ROBO2: variants seen among roughly 807,000 people sequenced by gnomAD.
ROBO2 encodes roundabout homolog 2.
ROBO2 carries 53 observed loss-of-function variants against 160.8 expected under a neutral mutation model. That is an observed-to-expected ratio of 0.33 (90% CI 0.26 to 0.41). ROBO2 has a LOEUF of 0.41. Ranked by LOEUF, ROBO2 falls within the 10% of genes least tolerant of loss-of-function variation. The pLI is 1.00. For synonymous variants in ROBO2, 664 were observed against 611.7 expected (o/e 1.09, Z -1.26); for missense variants, 1,577 against 1,722.4 (o/e 0.92, Z 1.49).
intron 2 of ROBO2, among the ~76,000 whole-genome samples, chr3:76,355,785 T>A (rs1314694562): frequency 6.6e-6 from 1 of 151,780 alleles, no homozygotes; most frequent in Non-Finnish European, 1.5e-5. Context: ...GAGCTACGAT[T>A]TTTTTGGTGA....
chr3:75,942,302 T>C (rs1948093832), intron 2 of ROBO2, among the ~76,000 whole-genome samples: 1 of 152,132 alleles, frequency 6.6e-6, no homozygotes, highest in African/African-American at 2.4e-5. Context: ...TAATTGAATA[T>C]TGCTTCGAGA....
intron 2 of ROBO2, among the ~76,000 whole-genome samples, chr3:77,164,097 T>C (rs545578270): frequency 6.6e-6 from 1 of 152,314 alleles, no homozygotes; most frequent in South Asian, 2.1e-4. Context: ...GGTTGTGATA[T>C]TGTGCTATAG....
At chr3:77,462,012 C>T (rs1053110956) in intron 2 of ROBO2, among the ~76,000 whole-genome samples, 7 of 152,152 alleles carry the variant, frequency 4.6e-5, no homozygotes, top group Non-Finnish European at 1.0e-4. Context: ...AGGCGTGAGC[C>T]ACCACGCCTG....
chr3:75,988,805 G>C (rs1024020205), intron 2 of ROBO2, among the ~76,000 whole-genome samples: 1 of 151,716 alleles, frequency 6.6e-6, no homozygotes, highest in African/African-American at 2.4e-5. Flanking sequence ...CTCTGTTACT[G>C]ATTTTTAACT....
intron 2 of ROBO2, among the ~76,000 whole-genome samples, chr3:77,286,404 A>C (rs1309897537): frequency 2.7e-5 from 4 of 149,148 alleles, no homozygotes; most frequent in African/African-American, 9.9e-5. Context: ...CTACAGGCAC[A>C]TGCCACCATG....
chr3:76,456,660 T>C (rs1409153335), intron 2 of ROBO2, among the ~76,000 whole-genome samples: 1 of 152,208 alleles, frequency 6.6e-6, no homozygotes, highest in Non-Finnish European at 1.5e-5. Flanking sequence ...AAGTTTGTAA[T>C]TTGGCTGAGT....
At chr3:77,097,145 A>G (rs1345378441) in intron 1 of ROBO2, among the ~76,000 whole-genome samples, 1 of 152,118 alleles carries the variant, frequency 6.6e-6, no homozygotes, top group Non-Finnish European at 1.5e-5. Context: ...ACTGTCTTAA[A>G]CCTTTTCTTG....
chr3:76,019,414 A>G (rs1284054141), intron 2 of ROBO2, among the ~76,000 whole-genome samples: 1 of 150,824 alleles, frequency 6.6e-6, no homozygotes, highest in Non-Finnish European at 1.5e-5. Context: ...GAATTGTCTA[A>G]TATTTGCATT....
chr3:75,950,020 A>G (rs945214437), intron 2 of ROBO2, among the ~76,000 whole-genome samples: 18 of 149,104 alleles, frequency 1.2e-4, no homozygotes, highest in South Asian at 4.3e-4. Flanking sequence ...CTACATATGC[A>G]TGTGTGTGTG....
intron 2 of ROBO2, among the ~76,000 whole-genome samples, chr3:76,450,049 T>A (rs1454436662): frequency 2.0e-5 from 3 of 152,136 alleles, no homozygotes; most frequent in African/African-American, 7.2e-5. Context: ...AGAACATTGT[T>A]TCTATTGTAA....
intron 24 of ROBO2, among the ~76,000 whole-genome samples, chr3:77,639,535 A>G (rs568141739): frequency 1.4e-4 from 22 of 152,310 alleles, no homozygotes; most frequent in African/African-American, 4.3e-4. Context: ...AGTAATGCTG[A>G]TATCTGAGGA....
At chr3:76,462,827 T>G (rs1016770541) in intron 2 of ROBO2, among the ~76,000 whole-genome samples, 2 of 152,212 alleles carry the variant, frequency 1.3e-5, no homozygotes, top group African/African-American at 4.8e-5. Flanking sequence ...GGTTAAATTT[T>G]CTTCTGAAGA....
chr3:76,442,221 G>C (rs2109130551), intron 2 of ROBO2, among the ~76,000 whole-genome samples: 1 of 152,244 alleles, frequency 6.6e-6, no homozygotes, highest in East Asian at 1.9e-4. Context: ...GTATTTTTAA[G>C]AATGATAGGA....
At chr3:77,410,717 T>C (rs865948241) in intron 2 of ROBO2, among the ~76,000 whole-genome samples, 1,364 of 52,998 alleles carry the variant, frequency 0.026, no homozygotes, top group East Asian at 0.048. Flanking sequence ...CCTCCTCCTC[T>C]TCCTCCTCCT....
chr3:77,574,532 C>A (rs375822408), exon 14 of ROBO2: 1 of 1,613,288 alleles, frequency 6.2e-7, no homozygotes, highest in Non-Finnish European at 8.5e-7. Flanking sequence ...CCAAGGCTAC[C>A]GAGTGATGTA....
chr3:76,962,358 A>G lies in ROBO2; in HGVS notation c.110-135656A>G, dbSNP rs539979649. Among the ~76,000 whole-genome samples the G allele has an allele frequency of 1.1e-4, 16 of 151,296 alleles. No homozygotes were observed. The South Asian group carries it at 3.4e-3, about 32-fold the overall frequency. ...AAAAAACAAACAAACAAACAAAACC[A>G]CTGGCCATGGTGGCTCATGCCACTA... On this transcript the variant is annotated intron_variant, in intron 2 of 26. Coordinates refer to the ROBO2 transcript ENST00000487694.
intron 2 of ROBO2, among the ~76,000 whole-genome samples, chr3:77,363,090 A>C (rs1004153868): frequency 6.6e-6 from 1 of 152,152 alleles, no homozygotes; most frequent in Non-Finnish European, 1.5e-5. Flanking sequence ...CAAGAACAAA[A>C]GAATTGAAAG....
intron 2 of ROBO2, among the ~76,000 whole-genome samples, chr3:76,863,003 A>T (rs945104517): frequency 6.6e-6 from 1 of 152,102 alleles, no homozygotes; most frequent in Admixed American, 6.6e-5. Flanking sequence ...GCTTTCTAGA[A>T]CACATACCTA....
chr3:76,480,598 G>C (rs552233987), intron 2 of ROBO2, among the ~76,000 whole-genome samples: 1 of 152,210 alleles, frequency 6.6e-6, no homozygotes, highest in Admixed American at 6.6e-5. Context: ...TTCAGTGTCT[G>C]GTGAGGGCCT....
Sources: gnomAD v4.1 joint callset for allele counts (sites outside exome capture counted in the v4.1 genomes callset) on GRCh38, gnomAD v4.1.1 for gene constraint, MANE v1.5 for transcripts, NCBI Gene and HGNC (gene_info 2026-07-23, HGNC 2026-07-21) for gene names.